Variants in ANKS1A observed in about 807,000 individuals in gnomAD.
ANKS1A encodes the protein ankyrin repeat and sterile alpha motif domain containing 1A.
Under a neutral mutation model 120.3 loss-of-function variants are expected in ANKS1A, and 55 were observed. That is an observed-to-expected ratio of 0.46 (90% CI 0.37 to 0.57). ANKS1A has a LOEUF of 0.57. Among genes scored for constraint, ANKS1A ranks in the 20% least tolerant of loss-of-function variants. ANKS1A has a pLI of 0.00. For synonymous variants in ANKS1A, 590 were observed against 604.7 expected, an observed-to-expected ratio of 0.98 and a Z score of 0.36; for missense variants, 1,123 against 1,480.3, an observed-to-expected ratio of 0.76 and a Z score of 3.96.
At position 35,091,152 on chromosome 6, in the gene ANKS1A, GT is replaced by G; in HGVS notation, c.*2544del. The G allele has an allele frequency of 1.0e-6, 1 of 985,866 alleles. No individual in the cohort carries two copies. Among genetic ancestry groups the G allele is most frequent in the Non-Finnish European group, 1.2e-6 (1 of 829,918 alleles). 61.1% of individuals were successfully genotyped at this position (985,866 alleles called of 1,614,324 possible). On this transcript the variant is annotated 3_prime_UTR_variant, in exon 24 of 24. Transcript: ENST00000360359. ...GTAATGAAAATGTTATTTAATCTTT[GT>G]CTCTGTATTTTGATACTTGAATGAC...
chr6:35,042,691 C>T (rs930090801), intron 11 of ANKS1A, among the ~76,000 whole-genome samples: 4 of 152,208 alleles, frequency 2.6e-5, no homozygotes, highest in Non-Finnish European at 4.4e-5. Context: ...CGGCAGGGCA[C>T]CAGTGCTCAT....
At chr6:34,958,634 A>T (rs1433798839) in intron 1 of ANKS1A, among the ~76,000 whole-genome samples, 2 of 152,048 alleles carry the variant, frequency 1.3e-5, no homozygotes, top group Admixed American at 1.3e-4. Context: ...GGCATACAGG[A>T]CCCTTTCTGA....
chr6:34,927,428 A>G (rs1423599646), intron 1 of ANKS1A, among the ~76,000 whole-genome samples: 4 of 152,076 alleles, frequency 2.6e-5, no homozygotes, highest in Admixed American at 6.6e-5. Flanking sequence ...ATATTGATAA[A>G]TGGGCACTAA....
In ANKS1A at chr6:34,958,947, T is replaced by C. The variant is rs114601382; in HGVS notation, c.198-8292T>C. On this transcript the variant is annotated intron_variant, in intron 1 of 23. Coordinates refer to ENST00000360359, the MANE Select transcript of ANKS1A (RefSeq NM_015245.3). ...TTGTTTACTGGTCTGACTTCCTCACTGAACTCAAGGGTGGGGACTGTCCAG... is the reference window on the plus strand; with the variant it reads ...TTGTTTACTGGTCTGACTTCCTCACCGAACTCAAGGGTGGGGACTGTCCAG... Among the ~76,000 whole-genome samples, 1,010 of 152,350 alleles carry C rather than the reference T, an allele frequency of 6.6e-3. 11 individuals carry two copies. Among genetic ancestry groups the C allele is most frequent in the African/African-American group, 0.023 (942 of 41,586 alleles).
At position 34,982,867 on chromosome 6, in the gene ANKS1A, G is replaced by A. The variant is rs761183263; in HGVS notation, c.808+40G>A. 22 of 1,613,598 alleles carry A rather than the reference G, an allele frequency of 1.4e-5. No homozygotes were observed. Among genetic ancestry groups the A allele is most frequent in the South Asian group, 1.3e-4 (12 of 91,062 alleles). ...GCGCTCTTGTCTACACAGCGTGCCA[G>A]GGTTGGGATTGTTTCTCCCTAGTCC... On this transcript the variant is annotated intron_variant, in intron 5 of 23. Coordinates refer to ENST00000360359, the MANE Select transcript of ANKS1A (RefSeq NM_015245.3). The surrounding 1 kb of genome is among the most constrained non-coding windows in gnomAD (Gnocchi z 4.9).
rs751955790 is a variant in ANKS1A at position 34,982,021 on chromosome 6, G to A, written c.732+35G>A. Reference sequence around the variant, plus strand: ...CGGGTGGGGGCTCCTCCAATCTCAAGAGACTCAGTCATTTTGCAGAAGGCA... The same window carrying A: ...CGGGTGGGGGCTCCTCCAATCTCAAAAGACTCAGTCATTTTGCAGAAGGCA... On this transcript the variant is annotated intron_variant, in intron 4 of 23. Coordinates refer to ENST00000360359, the MANE Select transcript of ANKS1A (RefSeq NM_015245.3). This position sits in a 1 kb window ranked among gnomAD's most constrained non-coding sequence, Gnocchi z 4.9. The A allele has an allele frequency of 6.2e-7, 1 of 1,606,174 alleles. No individual in the cohort carries two copies. Among genetic ancestry groups the A allele is most frequent in the Non-Finnish European group, 8.5e-7 (1 of 1,175,552 alleles).
At chr6:34,996,037 C>A (rs956425611) in intron 10 of ANKS1A, among the ~76,000 whole-genome samples, 2 of 152,140 alleles carry the variant, frequency 1.3e-5, no homozygotes, top group Non-Finnish European at 2.9e-5. Flanking sequence ...TACCATTTTG[C>A]GTTTCCATCA....
chr6:34,914,437 C>T (rs974130311), intron 1 of ANKS1A, among the ~76,000 whole-genome samples: 4 of 152,124 alleles, frequency 2.6e-5, no homozygotes, highest in Non-Finnish European at 4.4e-5. Context: ...CCCTAATGAA[C>T]GATTTAGTCA....
chr6:35,094,625 T>G (rs1400085645), downstream of ANKS1A, among the ~76,000 whole-genome samples: 1 of 151,848 alleles, frequency 6.6e-6, no homozygotes, highest in Non-Finnish European at 1.5e-5. Flanking sequence ...ATTCTAGAAC[T>G]AAAAAAATAC....
At chr6:34,901,815 C>T (rs1443290938) in intron 1 of ANKS1A, among the ~76,000 whole-genome samples, 1 of 152,088 alleles carries the variant, frequency 6.6e-6, no homozygotes, top group East Asian at 1.9e-4. Context: ...CCAGACAGGA[C>T]TGAGGTGTTC....
In ANKS1A at chr6:34,913,537, G is replaced by A. The variant is rs147889793; in HGVS notation, c.197+23938G>A. Among the ~76,000 whole-genome samples, 1,116 of 152,282 alleles carry A rather than the reference G, an allele frequency of 7.3e-3. 21 individuals are homozygous for A. Among genetic ancestry groups the A allele is most frequent in the African/African-American group, 0.026 (1,060 of 41,540 alleles). ...AGACAACAGGGTTTCAAACGCATGA[G>A]CTCAAGTGATTCTCCCGCCTTGGCC... On this transcript the variant is annotated intron_variant, in intron 1 of 23. Transcript: ENST00000360359.
chr6:35,004,205 C>A (rs185044278), intron 10 of ANKS1A, among the ~76,000 whole-genome samples: 1 of 152,098 alleles, frequency 6.6e-6, no homozygotes, highest in Non-Finnish European at 1.5e-5. Context: ...TCAGGGAGCT[C>A]GGATTTTAAG....
Position 35,044,116 on chromosome 6 carries a change from C to T in ANKS1A, c.2011-9983C>T, listed in dbSNP as rs965338510. ...CATCCTAAGCAGTTTTGGAAATGAC[C>T]CCAGCTGACTCTTGGTAAGGGTAAC... On this transcript the variant is annotated intron_variant, in intron 11 of 23. Transcript: ENST00000360359. This position sits in a 1 kb window ranked among gnomAD's most constrained non-coding sequence, Gnocchi z 4.4. Among the ~76,000 whole-genome samples the T allele has an allele frequency of 6.6e-6, 1 of 152,028 alleles. No individual in the cohort carries two copies. The highest frequency in any genetic ancestry group is 1.5e-5 in the Non-Finnish European group (1 of 67,994).
At chr6:34,907,798 C>T (rs1046143120) in intron 1 of ANKS1A, among the ~76,000 whole-genome samples, 2 of 152,162 alleles carry the variant, frequency 1.3e-5, no homozygotes, top group African/African-American at 4.8e-5. Flanking sequence ...GTATAGATAG[C>T]TTTCTGAATT....
At chr6:34,985,657 C>T (rs1257212064) in intron 8 of ANKS1A, among the ~76,000 whole-genome samples, 2 of 152,194 alleles carry the variant, frequency 1.3e-5, no homozygotes, top group Non-Finnish European at 2.9e-5. Flanking sequence ...ACAGTGAAAG[C>T]TCACTGAAAT....
intron 11 of ANKS1A, among the ~76,000 whole-genome samples, chr6:35,021,623 A>C (rs1336131052): frequency 6.6e-6 from 1 of 152,162 alleles, no homozygotes; most frequent in Non-Finnish European, 1.5e-5. Context: ...GTAGATATTA[A>C]TGTTACTATC....
intron 1 of ANKS1A, among the ~76,000 whole-genome samples, chr6:34,896,075 C>A (rs1054416687): frequency 7.6e-6 from 1 of 131,848 alleles, no homozygotes; most frequent in Non-Finnish European, 1.6e-5. Flanking sequence ...TTTTTTTTTT[C>A]TTTTTTTTTT....
intron 1 of ANKS1A, among the ~76,000 whole-genome samples, chr6:34,959,659 C>CCACT (rs1338790909): frequency 6.6e-6 from 1 of 152,136 alleles, no homozygotes; most frequent in Non-Finnish European, 1.5e-5. Flanking sequence ...TTGAGTTGGG[C>CCACT]CACTTTCTGT....
At chr6:34,903,872 T>A (rs1481413824) in intron 1 of ANKS1A, among the ~76,000 whole-genome samples, 1 of 152,140 alleles carries the variant, frequency 6.6e-6, no homozygotes, top group Non-Finnish European at 1.5e-5. Context: ...TTGCCCAGGC[T>A]GGAATGCAAT....
Sources: gnomAD v4.1 joint callset for allele counts (sites outside exome capture counted in the v4.1 genomes callset) on GRCh38, gnomAD v4.1.1 for gene constraint, Gnocchi (gnomAD v3.1) non-coding constraint, MANE v1.5 for transcripts, NCBI Gene and HGNC (gene_info 2026-07-23, HGNC 2026-07-21) for gene names.